Variants in PDE10A observed in about 807,000 individuals in gnomAD.
PDE10A encodes cAMP and cAMP-inhibited cGMP 3',5'-cyclic phosphodiesterase 10A.
In PDE10A, 39 loss-of-function variants were observed where a neutral mutation model predicts 97.7. The observed-to-expected ratio is 0.40, with a 90% CI of 0.31 to 0.52. The LOEUF (loss-of-function observed/expected upper bound fraction) is 0.52. Among genes scored for constraint, PDE10A ranks in the 20% least tolerant of loss-of-function variants. PDE10A has a pLI of 0.56. For synonymous variants in PDE10A, 371 were observed against 376.8 expected, an observed-to-expected ratio of 0.98 and a Z score of 0.18; for missense variants, 731 against 1,047.8, an observed-to-expected ratio of 0.70 and a Z score of 4.17.
intron 1 of PDE10A, among the ~76,000 whole-genome samples, chr6:165,709,312 C>G (rs1046250981): frequency 1.4e-5 from 2 of 144,280 alleles, no homozygotes; most frequent in Admixed American, 6.8e-5. Context: ...GCGGCGCTCT[C>G]CCCCCACTCC....
chr6:165,606,675 A>G (rs1787224398), intron 1 of PDE10A, among the ~76,000 whole-genome samples: 1 of 152,164 alleles, frequency 6.6e-6, no homozygotes, highest in Admixed American at 6.5e-5. Context: ...AGAGGAGGTA[A>G]GTGTACCAGG....
rs1413454005 is a variant in PDE10A at position 165,661,669 on chromosome 6, C to T, written c.865+278G>A. On this transcript the variant is annotated intron_variant, in intron 1 of 21. Coordinates refer to ENST00000539869, the MANE Select transcript of PDE10A (RefSeq NM_001385079.1). The surrounding 1 kb of genome is among the most constrained non-coding windows in gnomAD (Gnocchi z 4.8). ...GCGGAGAAGGAGGCGGCAGGTCCCG[C>T]TCGCAACGTCCAAGCTCCCGCCGCC... 3 of 415,328 alleles carry T rather than the reference C, an allele frequency of 7.2e-6. No individual in the cohort carries two copies. The highest frequency in any genetic ancestry group is 2.1e-5 in the African/African-American group (1 of 47,376). The allele number at this position is 415,328 out of a possible 1,614,324, so 25.7% of individuals were successfully genotyped here. A position where few individuals can be genotyped will look rare whatever the true frequency, so the allele number is the denominator to read the frequency against.
chr6:165,793,269 G>A (rs1490465840), intron 1 of PDE10A, among the ~76,000 whole-genome samples: 1 of 151,506 alleles, frequency 6.6e-6, no homozygotes, highest in African/African-American at 2.4e-5. Flanking sequence ...TTTCTTTTTT[G>A]TATCTTAATT....
intron 3 of PDE10A, among the ~76,000 whole-genome samples, chr6:165,461,682 T>C (rs747024820): frequency 6.6e-6 from 1 of 152,246 alleles, no homozygotes; most frequent in Non-Finnish European, 1.5e-5. Flanking sequence ...TTAGGGCTCA[T>C]GTACCTCTTC....
chr6:165,806,042 T>TAAAAAAAAAAA (rs67104260), intron 1 of PDE10A, among the ~76,000 whole-genome samples: 1 of 73,140 alleles, frequency 1.4e-5, no homozygotes, highest in African/African-American at 5.6e-5. Context: ...GCTTGATTAT[T>TAAAAAAAAAAA]AAAAAAAAAA....
At chr6:165,937,057 T>A (rs1164596564) in intron 1 of PDE10A, among the ~76,000 whole-genome samples, 2 of 152,222 alleles carry the variant, frequency 1.3e-5, no homozygotes, top group Non-Finnish European at 2.9e-5. Flanking sequence ...TCTATGTAGT[T>A]CAGGGGTGAC....
chr6:165,815,724 C>T (rs550075340), intron 1 of PDE10A, among the ~76,000 whole-genome samples: 21 of 152,246 alleles, frequency 1.4e-4, no homozygotes, highest in African/African-American at 4.6e-4. Flanking sequence ...GGCTCTCCAA[C>T]GTAAAGTTCC....
intron 2 of PDE10A, among the ~76,000 whole-genome samples, chr6:165,509,213 G>A (rs1469328919): frequency 3.3e-5 from 5 of 151,834 alleles, no homozygotes; most frequent in Admixed American, 1.3e-4. Context: ...TGTCATGATC[G>A]AGTCAGGGTA....
intron 18 of PDE10A, among the ~76,000 whole-genome samples, chr6:165,359,397 T>C (rs752669832): frequency 9.2e-5 from 14 of 152,188 alleles, no homozygotes; most frequent in Non-Finnish European, 1.9e-4. Flanking sequence ...GACAGTGCTT[T>C]GAATACGTCC....
chr6:165,754,358 A>G (rs1161845022), intron 1 of PDE10A: 1 of 152,168 alleles, frequency 6.6e-6, no homozygotes, highest in Non-Finnish European at 1.5e-5. Context: ...ACAACAAATC[A>G]TTTCCCTGGT....
intron 1 of PDE10A, among the ~76,000 whole-genome samples, chr6:165,692,776 T>C (rs1791338528): frequency 1.3e-5 from 2 of 152,344 alleles, no homozygotes; most frequent in Admixed American, 1.3e-4. Context: ...AATCATATTG[T>C]ATCCACCTTT....
chr6:165,410,843 C>CT (rs1320863317), intron 13 of PDE10A, among the ~76,000 whole-genome samples: 6 of 149,992 alleles, frequency 4.0e-5, no homozygotes, highest in Non-Finnish European at 7.4e-5. Context: ...AATCCCAGCA[C>CT]TTTGGGAGGC....
At chr6:165,946,968 A>T (rs1253151719) in intron 1 of PDE10A, 1 of 152,170 alleles carries the variant, frequency 6.6e-6, no homozygotes, top group Non-Finnish European at 1.5e-5. Flanking sequence ...CATCTTATAT[A>T]ATATCTAGTC....
At chr6:165,886,071 A>C (rs1338064689) in intron 1 of PDE10A, among the ~76,000 whole-genome samples, 1 of 152,226 alleles carries the variant, frequency 6.6e-6, no homozygotes, top group East Asian at 1.9e-4. Context: ...TTATTTTTTG[A>C]ATCATTGTAA....
chr6:165,470,356 C>T (rs1778916362), intron 3 of PDE10A, among the ~76,000 whole-genome samples: 1 of 152,228 alleles, frequency 6.6e-6, no homozygotes, highest in South Asian at 2.1e-4. Context: ...ACTTTTTGAA[C>T]ACTGAACCAC....
intron 1 of PDE10A, among the ~76,000 whole-genome samples, chr6:165,896,135 G>A (rs1194486977): frequency 1.3e-5 from 2 of 152,128 alleles, no homozygotes; most frequent in African/African-American, 4.8e-5. Flanking sequence ...CTGGTGCACA[G>A]CCCAGCGCCC....
intron 2 of PDE10A, among the ~76,000 whole-genome samples, chr6:165,503,340 CAA>C (rs1292879012): frequency 3.3e-5 from 5 of 152,164 alleles, no homozygotes; most frequent in Admixed American, 3.3e-4. Flanking sequence ...TGCACAGTAT[CAA>C]CATCCACGTG....
chr6:165,726,697 G>A (rs1562706232), intron 1 of PDE10A, among the ~76,000 whole-genome samples: 1 of 152,210 alleles, frequency 6.6e-6, no homozygotes, highest in Non-Finnish European at 1.5e-5. Flanking sequence ...CCAGCACTGA[G>A]AACCAGCTTC....
intron 1 of PDE10A, among the ~76,000 whole-genome samples, chr6:165,823,480 C>T (rs1388598444): frequency 2.3e-4 from 4 of 17,200 alleles, no homozygotes; most frequent in Non-Finnish European, 4.4e-4. Context: ...TTATAGTTAA[C>T]TTTATATATA....
Sources: allele counts gnomAD v4.1 joint callset (sites outside exome capture counted in the v4.1 genomes callset), GRCh38; gene constraint gnomAD v4.1.1; non-coding constraint Gnocchi (gnomAD v3.1); transcripts MANE v1.5; gene names NCBI Gene and HGNC (gene_info 2026-07-23, HGNC 2026-07-21).